Variants in GALNT1 observed in about 807,000 individuals in gnomAD.
GALNT1 encodes the protein GalNAc transferase 1.
In GALNT1, 17 loss-of-function variants were observed where a neutral mutation model predicts 65.7. The ratio of observed to expected loss-of-function variants is 0.26; its 90% CI spans 0.18 to 0.39. GALNT1 has a LOEUF of 0.39. GALNT1 is among the 10% of genes least tolerant of loss of function. The probability of loss-of-function intolerance (pLI) is 1.00; values close to 1 mark genes in which losing one functional copy is unlikely to be tolerated. For missense variants in GALNT1, 460 were observed against 672.8 expected (o/e 0.68, Z 3.50); for synonymous variants, 210 against 219.7 (o/e 0.96, Z 0.39).
chr18:35,640,906 A>C (rs937280770), intron 1 of GALNT1, among the ~76,000 whole-genome samples: 2 of 152,238 alleles, frequency 1.3e-5, no homozygotes, highest in African/African-American at 4.8e-5. Context: ...GCAAACCTTT[A>C]ACATTTTTAG....
intron 1 of GALNT1, among the ~76,000 whole-genome samples, chr18:35,603,109 C>CA (rs1178529695): frequency 7.2e-5 from 11 of 152,182 alleles, no homozygotes; most frequent in Admixed American, 2.0e-4. Flanking sequence ...TGCAAATACT[C>CA]AGAGCACTGC....
At chr18:35,646,222 A>G (rs1413888437) in intron 1 of GALNT1, among the ~76,000 whole-genome samples, 1 of 152,070 alleles carries the variant, frequency 6.6e-6, no homozygotes, top group Non-Finnish European at 1.5e-5. Flanking sequence ...ATCTCCTAAG[A>G]ACTCACTCAC....
At chr18:35,642,247 A>G (rs2047173280) in intron 1 of GALNT1, among the ~76,000 whole-genome samples, 1 of 152,244 alleles carries the variant, frequency 6.6e-6, no homozygotes, top group Non-Finnish European at 1.5e-5. Context: ...AGAGTAGAGA[A>G]ATAGGTTTGC....
chr18:35,672,346 C>T (rs1471262159), intron 3 of GALNT1, among the ~76,000 whole-genome samples: 1 of 152,178 alleles, frequency 6.6e-6, no homozygotes, highest in African/African-American at 2.4e-5. Context: ...AAAGCAGATT[C>T]ACAATGAAAT....
At chr18:35,651,351 C>T (rs553241075) in intron 1 of GALNT1, among the ~76,000 whole-genome samples, 1 of 152,258 alleles carries the variant, frequency 6.6e-6, no homozygotes, top group South Asian at 2.1e-4. Flanking sequence ...GCCACCACCC[C>T]TTTACCTTGA....
At chr18:35,679,473 TCTTTC>T (rs2047757482) in intron 4 of GALNT1, among the ~76,000 whole-genome samples, 1 of 152,150 alleles carries the variant, frequency 6.6e-6, no homozygotes, top group Non-Finnish European at 1.5e-5. Context: ...AGCAGTTCTC[TCTTTC>T]CTTTCCCTCA....
chr18:35,707,655 G>A (rs2144774739), intron 11 of GALNT1, among the ~76,000 whole-genome samples: 1 of 152,356 alleles, frequency 6.6e-6, no homozygotes, highest in East Asian at 1.9e-4. Flanking sequence ...CTAGATGAGT[G>A]AAATGCACAT....
intron 1 of GALNT1, among the ~76,000 whole-genome samples, chr18:35,583,024 T>A (rs2046340979): frequency 6.6e-6 from 1 of 152,234 alleles, no homozygotes; most frequent in Admixed American, 6.5e-5. Flanking sequence ...TACATACATT[T>A]GTTGTGTCAG....
rs1377299650 is a variant in GALNT1, at chr18:35,602,963, T to G, written c.-104+21101T>G. ...AAGGGTTGGTTTTTTATTCCAGTCT[T>G]CTCTATATGTCTTGTCTTTCTAGAG... On this transcript the variant is annotated intron_variant, in intron 1 of 11. Coordinates refer to ENST00000269195, the MANE Select transcript of GALNT1 (RefSeq NM_020474.4). Among the ~76,000 whole-genome samples, 5 of 152,338 alleles carry G rather than the reference T, an allele frequency of 3.3e-5. No individual in the cohort carries two copies. The East Asian group carries it at 5.8e-4, about 18-fold the overall frequency.
chr18:35,709,075 T>C (rs1302537561), intron 11 of GALNT1, among the ~76,000 whole-genome samples: 1 of 152,218 alleles, frequency 6.6e-6, no homozygotes, highest in South Asian at 2.1e-4. Flanking sequence ...TTACTAAATA[T>C]CAGCTGTCCC....
intron 1 of GALNT1, among the ~76,000 whole-genome samples, chr18:35,610,369 A>G (rs776280453): frequency 2.0e-5 from 3 of 151,604 alleles, no homozygotes; most frequent in Admixed American, 6.6e-5. Flanking sequence ...TAACAAGCCA[A>G]CTCCTCTTTT....
Position 35,687,156 on chromosome 18 carries a change from G to C in GALNT1, c.830G>C (p.Arg277Thr). 1 of 1,613,650 alleles carries C rather than the reference G, an allele frequency of 6.2e-7. No individual in the cohort carries two copies. Among genetic ancestry groups the C allele is most frequent in the Non-Finnish European group, 8.5e-7 (1 of 1,179,778 alleles). The change falls in exon 6 of 12, where the codon AGA (arginine) becomes ACA (threonine). Residue 277 changes from arginine (R) to threonine (T), a missense_variant. By Grantham distance (71) the Arg-to-Thr change is moderately conservative. Transcript: ENST00000269195. ...WYPVPQREMD[R>T]RKGDRTLPVR... ...CCTGTTCCCCAAAGAGAAATGGACA[G>C]AAGGAAAGGTGATCGGACTCTTCCT...
intron 1 of GALNT1, among the ~76,000 whole-genome samples, chr18:35,633,706 T>G (rs1257257577): frequency 1.3e-5 from 2 of 151,886 alleles, no homozygotes; most frequent in Non-Finnish European, 2.9e-5. Context: ...ATAAAAAAAA[T>G]TATGTTGATT....
intron 1 of GALNT1, among the ~76,000 whole-genome samples, chr18:35,637,711 A>G (rs2047109259): frequency 6.6e-6 from 1 of 152,254 alleles, no homozygotes; most frequent in Admixed American, 6.5e-5. Context: ...CAGATTTGCA[A>G]TGCAGACAAA....
intron 1 of GALNT1, among the ~76,000 whole-genome samples, chr18:35,637,020 G>A (rs2047099913): frequency 1.3e-5 from 2 of 151,946 alleles, no homozygotes; most frequent in African/African-American, 2.4e-5. Context: ...ACAAACTTGT[G>A]CCCATACAAG....
chr18:35,626,390 C>T (rs1177941059), intron 1 of GALNT1, among the ~76,000 whole-genome samples: 1 of 152,146 alleles, frequency 6.6e-6, no homozygotes, highest in African/African-American at 2.4e-5. Flanking sequence ...ATGAGCAGGT[C>T]ATATACTAGG....
intron 1 of GALNT1, among the ~76,000 whole-genome samples, chr18:35,589,064 C>T (rs565535619): frequency 7.9e-5 from 12 of 152,098 alleles, no homozygotes; most frequent in South Asian, 2.1e-4. Context: ...ACCACCCTGG[C>T]GGGGGAAGGT....
At chr18:35,706,314 C>A (rs141660851) in intron 11 of GALNT1, among the ~76,000 whole-genome samples, 12,393 of 151,806 alleles carry the variant, frequency 0.082, 562 homozygotes, top group African/African-American at 0.12. Flanking sequence ...ATCGAGACCA[C>A]AGTGAAACCT....
chr18:35,705,373 CT>C (rs1220690627), intron 11 of GALNT1, among the ~76,000 whole-genome samples: 1 of 152,206 alleles, frequency 6.6e-6, no homozygotes, highest in Non-Finnish European at 1.5e-5. Context: ...ATCTAGCAAT[CT>C]TTTCTCCACT....
Sources: allele counts gnomAD v4.1 joint callset (sites outside exome capture counted in the v4.1 genomes callset), GRCh38; gene constraint gnomAD v4.1.1; transcripts MANE v1.5; gene names NCBI Gene and HGNC (gene_info 2026-07-23, HGNC 2026-07-21).